Variants in PCDH15 observed in about 807,000 individuals in gnomAD.
PCDH15 encodes protocadherin related 15, also known as protocadherin-15.
In PCDH15, 129 loss-of-function variants were observed where a neutral mutation model predicts 178.5. The observed-to-expected ratio is 0.72, with a 90% CI of 0.63 to 0.84. The LOEUF is 0.84. Ranked by LOEUF, PCDH15 falls within the 40% of genes least tolerant of loss-of-function variation. The pLI, the probability that PCDH15 is intolerant of heterozygous loss-of-function variation, is 0.00. For synonymous variants in PCDH15, 800 were observed against 732.0 expected (o/e 1.09, Z -1.50); for missense variants, 2,230 against 2,099.9 (o/e 1.06, Z -1.21).
intron 26 of PCDH15, among the ~76,000 whole-genome samples, chr10:53,899,995 T>C (rs2082218450): frequency 6.6e-6 from 1 of 152,064 alleles, no homozygotes; most frequent in African/African-American, 2.4e-5. Flanking sequence ...TTAGACTGTG[T>C]CTTCCTCACA....
intron 9 of PCDH15, among the ~76,000 whole-genome samples, chr10:54,219,983 G>A (rs2052602740): frequency 1.3e-5 from 2 of 151,974 alleles, no homozygotes; most frequent in South Asian, 4.2e-4. Flanking sequence ...ACTAAGTGAT[G>A]CCAAATGGTG....
At chr10:54,315,828 T>C (rs976218698) in intron 8 of PCDH15, among the ~76,000 whole-genome samples, 3 of 152,186 alleles carry the variant, frequency 2.0e-5, no homozygotes, top group Non-Finnish European at 2.9e-5. Context: ...GAAGGGCAGA[T>C]GGCAGTAGGT....
At chr10:54,346,515 T>A in intron 5 of PCDH15, 31 bp from the exon 6 acceptor site, 1 of 1,610,468 alleles carries the variant, frequency 6.2e-7, no homozygotes, top group Non-Finnish European at 8.5e-7. Flanking sequence ...AAATATCAAT[T>A]TTCATTTTAT....
rs931519341 is a variant in PCDH15 at position 54,717,708 on chromosome 10, C to T, written c.-28-53418G>A. Among the ~76,000 whole-genome samples the T allele has an allele frequency of 2.9e-4, 41 of 138,990 alleles. 2 individuals carry two copies. Among genetic ancestry groups the T allele is most frequent in the Non-Finnish European group, 5.6e-4 (36 of 64,470 alleles). 91.2% of individuals were successfully genotyped at this position (138,990 alleles called of 152,430 possible). On this transcript the variant is annotated intron_variant, in intron 1 of 37. Coordinates refer to ENST00000644397, the MANE Select transcript of PCDH15 (RefSeq NM_001384140.1). ...CATTGTGGAAGTCAGTGTGGCGATT[C>T]CTCAGGGATCTAGAACTGGAAATAC...
At chr10:54,460,677 C>A (rs2077109920) in intron 3 of PCDH15, among the ~76,000 whole-genome samples, 1 of 151,974 alleles carries the variant, frequency 6.6e-6, no homozygotes, top group African/African-American at 2.4e-5. Flanking sequence ...GAATGAAAGG[C>A]ATCAGAAATA....
intron 35 of PCDH15, among the ~76,000 whole-genome samples, chr10:53,813,678 A>C (rs776012611): frequency 4.6e-5 from 7 of 152,232 alleles, no homozygotes; most frequent in Non-Finnish European, 1.0e-4. Context: ...AATTGGAAAC[A>C]ATGCAAAAGT....
chr10:55,283,975 A>G (rs1277964091), intron 1 of PCDH15, among the ~76,000 whole-genome samples: 2 of 152,164 alleles, frequency 1.3e-5, no homozygotes, highest in African/African-American at 4.8e-5. Flanking sequence ...TATACAATAC[A>G]TGGCTTTGTA....
At chr10:55,027,461 C>T (rs1840502368) in intron 2 of PCDH15, among the ~76,000 whole-genome samples, 1 of 151,622 alleles carries the variant, frequency 6.6e-6, no homozygotes, top group Admixed American at 6.6e-5. Flanking sequence ...GAATGATTTC[C>T]CCAACCTTGA....
intron 1 of PCDH15, among the ~76,000 whole-genome samples, chr10:54,774,054 A>AGTCTC (rs1949416006): frequency 1.1e-5 from 1 of 92,506 alleles, no homozygotes; most frequent in East Asian, 3.8e-4. Flanking sequence ...TTTGAGACGG[A>AGTCTC]GTCTCGCTCT....
rs896795270 is a variant in PCDH15 at position 54,396,389 on chromosome 10, T to C, written c.158-17447A>G. Reference sequence around the variant, plus strand: ...ATTCCCTTGCTGTCTTCCATGTATATATGAAATACACGTCAATAAACTTCT... The same window carrying C: ...ATTCCCTTGCTGTCTTCCATGTATACATGAAATACACGTCAATAAACTTCT... On this transcript the variant is annotated intron_variant, in intron 3 of 37. Transcript: ENST00000644397. Among the ~76,000 whole-genome samples, 34 of 152,298 alleles carry C rather than the reference T, an allele frequency of 2.2e-4. 1 individual carries two copies. The highest frequency in any genetic ancestry group is 6.7e-4 in the African/African-American group (28 of 41,576).
intron 2 of PCDH15, among the ~76,000 whole-genome samples, chr10:55,122,973 A>T (rs940935884): frequency 2.0e-5 from 3 of 152,138 alleles, no homozygotes; most frequent in Non-Finnish European, 4.4e-5. Context: ...GTTCATCAAA[A>T]GTGAAATAAA....
Position 53,891,679 on chromosome 10 carries a change from G to A in PCDH15, c.3501+11564C>T, listed in dbSNP as rs537077540. Among the ~76,000 whole-genome samples, 160 of 152,062 alleles carry A rather than the reference G, an allele frequency of 1.1e-3. 1 individual carries two copies. The highest frequency in any genetic ancestry group is 3.7e-3 in the African/African-American group (152 of 41,482). On this transcript the variant is annotated intron_variant, in intron 26 of 37. Transcript: ENST00000644397. Reference sequence around the variant, plus strand: ...TAAAAATAAAGTATCCAGGCTGGTCGTTGTGGCTCATGCCTGTAATCCCAG... The same window carrying A: ...TAAAAATAAAGTATCCAGGCTGGTCATTGTGGCTCATGCCTGTAATCCCAG...
At chr10:54,968,034 T>A (rs1212704492) in intron 2 of PCDH15, among the ~76,000 whole-genome samples, 1 of 152,184 alleles carries the variant, frequency 6.6e-6, no homozygotes, top group African/African-American at 2.4e-5. Flanking sequence ...AGTTTTAACA[T>A]ACGCATTTTG....
chr10:55,564,647 GA>G (rs1299263936), intron 2 of PCDH15, among the ~76,000 whole-genome samples: 1 of 151,632 alleles, frequency 6.6e-6, no homozygotes. Context: ...CAAACAGATT[GA>G]AAGTGAAAGG....
intron 15 of PCDH15, among the ~76,000 whole-genome samples, chr10:54,103,200 C>T (rs1478111949): frequency 6.6e-6 from 1 of 152,076 alleles, no homozygotes; most frequent in African/African-American, 2.4e-5. Context: ...GTCCATTCTA[C>T]ATAGAAGTTT....
intron 3 of PCDH15, among the ~76,000 whole-genome samples, chr10:54,442,459 T>A (rs9415333): frequency 3.2e-5 from 3 of 93,474 alleles, no homozygotes; most frequent in African/African-American, 1.4e-4. Context: ...TATATATATA[T>A]ACAGTCTTTT....
At chr10:55,149,463 C>T (rs1272630010) in intron 2 of PCDH15, among the ~76,000 whole-genome samples, 1 of 151,834 alleles carries the variant, frequency 6.6e-6, no homozygotes, top group Non-Finnish European at 1.5e-5. Flanking sequence ...AAAGTAAAAT[C>T]GTTTTATGCA....
intron 8 of PCDH15, among the ~76,000 whole-genome samples, chr10:54,311,415 TG>T (rs1376316284): frequency 6.6e-6 from 1 of 152,102 alleles, no homozygotes; most frequent in Non-Finnish European, 1.5e-5. Flanking sequence ...TGGTTTTATC[TG>T]TGCTTCATTA....
At chr10:55,433,605 G>C (rs1166534224) in intron 2 of PCDH15, among the ~76,000 whole-genome samples, 1 of 151,958 alleles carries the variant, frequency 6.6e-6, no homozygotes, top group African/African-American at 2.4e-5. Context: ...ATAACTAAAA[G>C]AGACATTTTC....
Sources: allele counts gnomAD v4.1 joint callset (sites outside exome capture counted in the v4.1 genomes callset), GRCh38; gene constraint gnomAD v4.1.1; transcripts MANE v1.5; gene names NCBI Gene and HGNC (gene_info 2026-07-23, HGNC 2026-07-21).